VRTN: variants seen among roughly 807,000 people sequenced by gnomAD.
VRTN encodes vertebrae development associated.
A neutral mutation model predicts 18.2 loss-of-function variants in VRTN; 5 were observed. The ratio of observed to expected loss-of-function variants is 0.27; its 90% CI spans 0.14 to 0.58. The LOEUF is 0.58. Among genes scored for constraint, VRTN ranks in the 20% least tolerant of loss-of-function variants. VRTN has a pLI of 0.91. For synonymous variants in VRTN, 381 were observed against 393.7 expected, an observed-to-expected ratio of 0.97 and a Z score of 0.38; for missense variants, 741 against 939.4, an observed-to-expected ratio of 0.79 and a Z score of 2.76.
chr14:74,337,250 G>A (rs1368234318), intron 1 of VRTN, among the ~76,000 whole-genome samples: 1 of 152,082 alleles, frequency 6.6e-6, no homozygotes, highest in Non-Finnish European at 1.5e-5. Context: ...AGCTGAGGCA[G>A]GAGAATTGCT....
chr14:74,334,249 C>T (rs1444609896), intron 1 of VRTN, among the ~76,000 whole-genome samples: 3 of 152,158 alleles, frequency 2.0e-5, no homozygotes, highest in African/African-American at 7.2e-5. Context: ...TAAACCTAGG[C>T]TGGGCACAGT....
At chr14:74,341,515 G>A (rs953340412) in intron 2 of VRTN, among the ~76,000 whole-genome samples, 3 of 152,108 alleles carry the variant, frequency 2.0e-5, no homozygotes, top group East Asian at 3.9e-4. Context: ...TCTATTGCAT[G>A]TCTCTTTATT....
intron 1 of VRTN, among the ~76,000 whole-genome samples, chr14:74,349,678 C>CTTAAT (rs1178773559): frequency 6.6e-6 from 1 of 152,192 alleles, no homozygotes; most frequent in Non-Finnish European, 1.5e-5. Context: ...CTGGCTCACT[C>CTTAAT]TTAAGACGCA....
intron 1 of VRTN, among the ~76,000 whole-genome samples, chr14:74,355,712 TG>T (rs2085722111): frequency 6.6e-6 from 1 of 152,028 alleles, no homozygotes; most frequent in Non-Finnish European, 1.5e-5. Context: ...CTTTTTTTTT[TG>T]TATTTTTAGT....
intron 1 of VRTN, among the ~76,000 whole-genome samples, chr14:74,354,746 A>G (rs2085712743): frequency 6.6e-6 from 1 of 152,106 alleles, no homozygotes; most frequent in Non-Finnish European, 1.5e-5. Context: ...CTACAAGTGC[A>G]TGACTTTGTA....
intron 1 of VRTN, among the ~76,000 whole-genome samples, chr14:74,320,421 G>A (rs2085446756): frequency 6.8e-6 from 1 of 146,716 alleles, no homozygotes; most frequent in African/African-American, 2.5e-5. Flanking sequence ...CCGCCACCAC[G>A]CCGGCTAAAT....
Position 74,359,926 on chromosome 14 carries a change from G to A in VRTN, c.*1034G>A, listed in dbSNP as rs1315117502. ...CATCTTCAGTGAGAGATCACAAAGCGGCCAGGCAGGTGGGAGACTGAATTT... is the reference window on the plus strand; with the variant it reads ...CATCTTCAGTGAGAGATCACAAAGCAGCCAGGCAGGTGGGAGACTGAATTT... On this transcript the variant is annotated 3_prime_UTR_variant, in exon 2 of 2. Transcript: ENST00000256362. 2 of 167,078 alleles carry A rather than the reference G, an allele frequency of 1.2e-5. No homozygotes were observed. The highest frequency in any genetic ancestry group is 4.8e-5 in the African/African-American group (2 of 41,436). The allele number at this position is 167,078 out of a possible 1,614,324, so 10.3% of individuals were successfully genotyped here.
intron 1 of VRTN, among the ~76,000 whole-genome samples, chr14:74,318,370 A>C (rs1440589055): frequency 6.6e-6 from 1 of 151,732 alleles, no homozygotes; most frequent in Non-Finnish European, 1.5e-5. Context: ...TCCTGGATTC[A>C]AGTGATTCTC....
chr14:74,312,568 A>G (rs2085394918), intron 1 of VRTN, among the ~76,000 whole-genome samples: 2 of 151,762 alleles, frequency 1.3e-5, no homozygotes, highest in African/African-American at 4.8e-5. Context: ...CTTCCACCTC[A>G]GCCTCCCGAG....
chr14:74,358,772 C>T lies in VRTN; in HGVS notation c.1989C>T (p.Phe663=). 5.0e-6 allele frequency: 8 copies of T among 1,614,248 alleles called. No individual in the cohort carries two copies. The highest frequency in any genetic ancestry group is 6.8e-6 in the Non-Finnish European group (8 of 1,180,042). The change falls in exon 2 of 2, where the codon TTC becomes TTT. Residue 663 remains phenylalanine (F), a synonymous_variant. Coordinates refer to ENST00000256362, the MANE Select transcript of VRTN (RefSeq NM_018228.3). The surrounding 1 kb of genome is among the most constrained non-coding windows in gnomAD (Gnocchi z 5.4). The stretch of plus-strand genomic sequence containing the variant: ...CCAAGCTGTTCTTGCAGAAGCGCTT[C>T]CAGTCCAAGAGCTTTCCCTCCTACA... ...AQAKLFLQKR[F]QSKSFPSYKE...
intron 1 of VRTN, among the ~76,000 whole-genome samples, chr14:74,316,083 G>A (rs2085418198): frequency 6.6e-6 from 1 of 152,184 alleles, no homozygotes; most frequent in Admixed American, 6.6e-5. Flanking sequence ...CCAGCAGCTG[G>A]GGCAACAAGT....
intron 1 of VRTN, among the ~76,000 whole-genome samples, chr14:74,349,159 G>A (rs1016365761): frequency 1.1e-4 from 16 of 152,192 alleles, no homozygotes; most frequent in African/African-American, 3.6e-4. Context: ...GGTGGCCTCA[G>A]GCCCACCCCT....
chr14:74,330,099 T>G (rs2085512090), intron 1 of VRTN, among the ~76,000 whole-genome samples: 1 of 151,864 alleles, frequency 6.6e-6, no homozygotes, highest in South Asian at 2.1e-4. Flanking sequence ...AGTCTTGAGC[T>G]CCTAACCTCA....
rs79295173 is a variant in VRTN, at chr14:74,327,816, G to T, written c.-163-9907G>T. Among the ~76,000 whole-genome samples the T allele has an allele frequency of 5.3e-4, 80 of 152,252 alleles. 3 individuals are homozygous for T. In the East Asian group the frequency reaches 0.014, roughly 26 times the overall value. On this transcript the variant is annotated intron_variant, in intron 1 of 2. Transcript: ENST00000557177. ...GCTCACTGCAACCTGTGCCTCCCAGGTTCGAGCAATTCTCTTGCCTCAGCC... is the reference window on the plus strand; with the variant it reads ...GCTCACTGCAACCTGTGCCTCCCAGTTTCGAGCAATTCTCTTGCCTCAGCC...
At chr14:74,335,056 T>C (rs1345889325) in intron 1 of VRTN, among the ~76,000 whole-genome samples, 1 of 152,012 alleles carries the variant, frequency 6.6e-6, no homozygotes, top group Non-Finnish European at 1.5e-5. Flanking sequence ...CCGAGGCAGG[T>C]GGATCACTTG....
At chr14:74,326,277 C>T (rs184152206) in intron 1 of VRTN, among the ~76,000 whole-genome samples, 196 of 152,224 alleles carry the variant, frequency 1.3e-3, no homozygotes, top group African/African-American at 4.6e-3. Context: ...ACAAACAAAA[C>T]CTCAGAAAAT....
upstream of VRTN, among the ~76,000 whole-genome samples, chr14:74,345,275 G>C (rs915558054): frequency 1.1e-4 from 16 of 151,376 alleles, no homozygotes; most frequent in African/African-American, 3.9e-4. Flanking sequence ...GAACTCCTGG[G>C]CTCAACTGAT....
chr14:74,333,517 G>T (rs1388124732), intron 1 of VRTN, among the ~76,000 whole-genome samples: 1 of 149,954 alleles, frequency 6.7e-6, no homozygotes, highest in Non-Finnish European at 1.5e-5. Context: ...CAAGGGTAAA[G>T]AAATCATTGA....
upstream of VRTN, among the ~76,000 whole-genome samples, chr14:74,344,476 T>C (rs950530520): frequency 1.3e-5 from 2 of 149,190 alleles, no homozygotes; most frequent in Non-Finnish European, 3.0e-5. Flanking sequence ...CTCACACCTG[T>C]AATCCTAGCA....
Sources: gnomAD v4.1 joint callset for allele counts (sites outside exome capture counted in the v4.1 genomes callset) on GRCh38, gnomAD v4.1.1 for gene constraint, Gnocchi (gnomAD v3.1) non-coding constraint, MANE v1.5 for transcripts, NCBI Gene and HGNC (gene_info 2026-07-23, HGNC 2026-07-21) for gene names.